Variants in GABRA3 observed in about 807,000 individuals in gnomAD.
GABRA3 encodes the protein gamma-aminobutyric acid receptor subunit alpha-3.
A neutral mutation model predicts 30.1 loss-of-function variants in GABRA3; 10 were observed. The ratio of observed to expected loss-of-function variants is 0.33; its 90% CI spans 0.20 to 0.56. GABRA3 has a LOEUF of 0.56. Among genes scored for constraint, GABRA3 ranks in the 20% least tolerant of loss-of-function variants. The pLI is 0.89. For synonymous variants in GABRA3, 151 were observed against 146.8 expected (o/e 1.03, Z -0.21); for missense variants, 233 against 392.0 (o/e 0.59, Z 3.42).
intron 2 of GABRA3, among the ~76,000 whole-genome samples, chrX:152,351,959 C>A (rs1265430952): frequency 9.0e-6 from 1 of 111,243 alleles, no homozygotes; most frequent in African/African-American, 3.3e-5. Flanking sequence ...AGAGCAAACA[C>A]AATATTTACC....
chrX:152,421,098 TACACACACAC>T (rs60206606), intron 1 of GABRA3, among the ~76,000 whole-genome samples: 4 of 95,004 alleles, frequency 4.2e-5, no homozygotes, highest in South Asian at 5.4e-4. Context: ...TTACACATTA[TACACACACAC>T]ACACACACAC....
intron 9 of GABRA3, among the ~76,000 whole-genome samples, chrX:152,172,058 C>A (rs939017643): frequency 1.8e-5 from 2 of 111,056 alleles, no homozygotes; most frequent in African/African-American, 3.3e-5. Context: ...AGAAGTGGGG[C>A]AAAACAATGG....
At chrX:152,239,066 G>C (rs1329033379) in intron 5 of GABRA3, among the ~76,000 whole-genome samples, 1 of 105,548 alleles carries the variant, frequency 9.5e-6, no homozygotes, top group Non-Finnish European at 1.9e-5. Context: ...TGCTTTTCTA[G>C]TTCTTTTAAT....
intron 5 of GABRA3, chrX:152,250,775 T>C (rs1208854166): frequency 8.3e-6 from 1 of 119,779 alleles, no homozygotes; most frequent in Non-Finnish European, 1.7e-5. Context: ...TACATACCCA[T>C]GCAATGCTTG....
chrX:152,185,250 T>C (rs1228844679), intron 9 of GABRA3, among the ~76,000 whole-genome samples: 1 of 111,850 alleles, frequency 8.9e-6, no homozygotes, highest in Non-Finnish European at 1.9e-5. Flanking sequence ...AGAGATCCAT[T>C]TTTCTGCATT....
At chrX:152,181,239 G>C (rs897047642) in intron 9 of GABRA3, among the ~76,000 whole-genome samples, 1 of 111,341 alleles carries the variant, frequency 9.0e-6, no homozygotes, top group Non-Finnish European at 1.9e-5. Flanking sequence ...TAGTGTACTA[G>C]TCTGTTATCC....
At chrX:152,169,762 C>G (rs904868941) in intron 9 of GABRA3, among the ~76,000 whole-genome samples, 1 of 111,704 alleles carries the variant, frequency 9.0e-6, no homozygotes, top group Non-Finnish European at 1.9e-5. Context: ...TTTCACATAC[C>G]TCATGAGTGC....
Position 152,168,193 on chromosome X carries a change from A to G in GABRA3, c.*35T>C, listed in dbSNP as rs1451051416. 2.6e-6 allele frequency: 3 copies of G among 1,136,358 alleles called. No individual in the cohort carries two copies. The highest frequency in any genetic ancestry group is 2.2e-5 in the Admixed American group (1 of 45,667). 93.6% of individuals were successfully genotyped at this position (1,136,358 alleles called of 1,213,427 possible). A position where few individuals can be genotyped will look rare whatever the true frequency, so the allele number is the denominator to read the frequency against. On this transcript the variant is annotated 3_prime_UTR_variant, in exon 10 of 10. Transcript: ENST00000370314. ...TGGGTGCCTGGATGCTTCACGGGGT[A>G]TACAGTGCTCTGGTTGCTGCACTGC...
At chrX:152,293,272 T>C (rs185313754) in intron 3 of GABRA3, among the ~76,000 whole-genome samples, 221 of 111,897 alleles carry the variant, frequency 2.0e-3, no homozygotes, top group African/African-American at 6.7e-3. Context: ...TACTTAGCTC[T>C]TCTTGTTGAA....
At chrX:152,364,353 G>C in intron 2 of GABRA3, 78 bp downstream of exon 2, 1 of 1,014,183 alleles carries the variant, frequency 9.9e-7, no homozygotes, top group Non-Finnish European at 1.3e-6. Context: ...GTTCATCTGG[G>C]GGAAAACATC....
chrX:152,262,372 T>A (rs1283717524), intron 4 of GABRA3, among the ~76,000 whole-genome samples: 1 of 112,532 alleles, frequency 8.9e-6, no homozygotes, highest in Admixed American at 9.4e-5. Context: ...TCCATCACAT[T>A]GCCAGTGTGC....
At chrX:152,408,877 G>A (rs1202047063) in intron 1 of GABRA3, among the ~76,000 whole-genome samples, 1 of 110,755 alleles carries the variant, frequency 9.0e-6, no homozygotes, top group Non-Finnish European at 1.9e-5. Flanking sequence ...CAGACATATA[G>A]ACCAATGGAA....
At chrX:152,254,038 C>A (rs781047901) in intron 5 of GABRA3, among the ~76,000 whole-genome samples, 3 of 111,660 alleles carry the variant, frequency 2.7e-5, no homozygotes, top group African/African-American at 6.5e-5. Flanking sequence ...TGCTATTATC[C>A]TATTAGTCTT....
At chrX:152,439,731 T>C in intron 1 of GABRA3, among the ~76,000 whole-genome samples, 1 of 111,277 alleles carries the variant, frequency 9.0e-6, no homozygotes, top group Non-Finnish European at 1.9e-5. Context: ...AATGAATAAA[T>C]TACTCAGCAA....
chrX:152,404,941 C>T (rs1034033337), intron 1 of GABRA3, among the ~76,000 whole-genome samples: 2 of 108,277 alleles, frequency 1.8e-5, no homozygotes, highest in African/African-American at 6.7e-5. Context: ...CTGATCGTCC[C>T]CCTGCAAGGA....
chrX:152,214,133 G>A (rs1937673942), intron 6 of GABRA3, among the ~76,000 whole-genome samples: 1 of 110,805 alleles, frequency 9.0e-6, no homozygotes. Flanking sequence ...GTATCCATGT[G>A]TATCCATTAT....
At chrX:152,386,252 A>G (rs1348580041) in intron 1 of GABRA3, among the ~76,000 whole-genome samples, 1 of 108,860 alleles carries the variant, frequency 9.2e-6, no homozygotes, top group African/African-American at 3.4e-5. Context: ...ATTTGTTTGT[A>G]TCCTCTTTTA....
intron 1 of GABRA3, among the ~76,000 whole-genome samples, chrX:152,374,669 A>T (rs1928949609): frequency 9.0e-6 from 1 of 111,411 alleles, no homozygotes; most frequent in Non-Finnish European, 1.9e-5. Flanking sequence ...CTTTTGTTGC[A>T]ATTGCTTTTG....
chrX:152,180,092 T>A lies in GABRA3; in HGVS notation c.1143+9638A>T, dbSNP rs187479594. Among the ~76,000 whole-genome samples, 257 of 112,047 alleles carry A rather than the reference T, an allele frequency of 2.3e-3. 2 individuals are homozygous for A. The South Asian group carries it at 0.045, about 19-fold the overall frequency. On this transcript the variant is annotated intron_variant, in intron 9 of 9. Coordinates refer to ENST00000370314, the MANE Select transcript of GABRA3 (RefSeq NM_000808.4). ...GATATATACCCAGTAGTGGGGTCGA[T>A]CAACCATTTGGTATTTCTATTTTTA... is the stretch of plus-strand genomic sequence containing the variant.
Sources: allele counts gnomAD v4.1 joint callset (sites outside exome capture counted in the v4.1 genomes callset), GRCh38; gene constraint gnomAD v4.1.1; transcripts MANE v1.5; gene names NCBI Gene and HGNC (gene_info 2026-07-23, HGNC 2026-07-21).